The following HEXB variants were observed in gnomAD, a reference collection of about 807,000 sequenced individuals.
HEXB encodes the protein hexosaminidase subunit beta.
Under a neutral mutation model 71.2 loss-of-function variants are expected in HEXB, and 51 were observed. The ratio of observed to expected loss-of-function variants is 0.72; its 90% CI spans 0.57 to 0.90. The LOEUF (loss-of-function observed/expected upper bound fraction) is 0.90, where lower values mean the gene tolerates loss of function less well. HEXB is among the 40% of genes least tolerant of loss of function. The probability of loss-of-function intolerance (pLI) is 0.00; values close to 1 mark genes in which losing one functional copy is unlikely to be tolerated. For synonymous variants in HEXB, 266 were observed against 249.3 expected, an observed-to-expected ratio of 1.07 and a Z score of -0.63; for missense variants, 617 against 677.0, an observed-to-expected ratio of 0.91 and a Z score of 0.98.
In HEXB at chr5:74,685,390, C is replaced by T. The variant is rs750001501; in HGVS notation, c.130C>T (p.Arg44Trp). The T allele has an allele frequency of 8.7e-5, 138 of 1,592,274 alleles. No individual in the cohort carries two copies. Among genetic ancestry groups the T allele is most frequent in the Non-Finnish European group, 1.1e-4 (127 of 1,171,676 alleles). ...ALVVQVAEAARAPSVSAKPGP... is the reference protein window; with the variant it reads ...ALVVQVAEAAWAPSVSAKPGP... ...GGTGGTGCAGGTGGCGGAGGCGGCT[C>T]GGGCCCCGAGCGTCTCGGCCAAGCC... The change falls in exon 1 of 14, where the codon CGG (arginine) becomes TGG (tryptophan). Residue 44 changes from arginine (R) to tryptophan (W), a missense_variant. Transcript: ENST00000261416.
chr5:74,710,858 C>T (rs916323249), intron 6 of HEXB, among the ~76,000 whole-genome samples: 2 of 152,044 alleles, frequency 1.3e-5, no homozygotes, highest in African/African-American at 4.8e-5. Flanking sequence ...GGCCATACTG[C>T]CCAAGGTAAT....
At position 74,652,178 on chromosome 5, in the gene HEXB, T is replaced by C. The variant is rs931240625; in HGVS notation, c.-377+11620T>C. Among the ~76,000 whole-genome samples, 2 of 152,234 alleles carry C rather than the reference T, an allele frequency of 1.3e-5. No individual in the cohort carries two copies. Among genetic ancestry groups the C allele is most frequent in the African/African-American group, 4.8e-5 (2 of 41,452 alleles). ...AACCATAAATAATAATTAATGTCCA[T>C]TTAGAGTCACAGTGGTTTACCTCTC... is the stretch of plus-strand genomic sequence containing the variant. On this transcript the variant is annotated intron_variant, in intron 1 of 13. Transcript: ENST00000511181. The surrounding 1 kb of genome is among the most constrained non-coding windows in gnomAD (Gnocchi z 5.4).
chr5:74,711,044 G>T (rs1411769534), intron 6 of HEXB, among the ~76,000 whole-genome samples: 1 of 149,570 alleles, frequency 6.7e-6, no homozygotes, highest in Admixed American at 6.7e-5. Flanking sequence ...ATACTACAAG[G>T]CTACAGTAAC....
At chr5:74,678,882 A>G (rs1748684384) in intron 1 of HEXB, among the ~76,000 whole-genome samples, 1 of 152,230 alleles carries the variant, frequency 6.6e-6, no homozygotes, top group South Asian at 2.1e-4. Context: ...AGGGCAAAAA[A>G]GGTTCTTAGT....
intron 1 of HEXB, among the ~76,000 whole-genome samples, chr5:74,648,472 C>A (rs994810573): frequency 1.3e-5 from 2 of 152,214 alleles, no homozygotes. Flanking sequence ...TTCTCCAGCA[C>A]AATCTGCAGA....
chr5:74,685,227 C>A (rs749861514), upstream of HEXB: 2 of 1,479,772 alleles, frequency 1.4e-6, no homozygotes, highest in Non-Finnish European at 1.8e-6. Flanking sequence ...GAGGCTCCGG[C>A]TCGGCAGACC....
At chr5:74,685,123 C>T (rs1393354366), upstream of HEXB, 21 of 896,958 alleles carry the variant, frequency 2.3e-5, no homozygotes, top group Non-Finnish European at 3.2e-5. Flanking sequence ...GGCCTGGAGG[C>T]GGAGTCGGGG....
At chr5:74,712,378 T>C (rs1282919101) in intron 6 of HEXB, among the ~76,000 whole-genome samples, 2 of 151,242 alleles carry the variant, frequency 1.3e-5, no homozygotes, top group Non-Finnish European at 2.9e-5. Flanking sequence ...CATGTATACA[T>C]ACGTAACTAA....
intron 1 of HEXB, among the ~76,000 whole-genome samples, chr5:74,661,077 C>T (rs1269973561): frequency 6.6e-6 from 1 of 152,152 alleles, no homozygotes; most frequent in Non-Finnish European, 1.5e-5. Context: ...CCAGACAGCA[C>T]CAGCTGGAGC....
chr5:74,679,989 C>T (rs1209275596), intron 1 of HEXB, among the ~76,000 whole-genome samples: 2 of 152,058 alleles, frequency 1.3e-5, no homozygotes, highest in South Asian at 2.1e-4. Flanking sequence ...AATATTTTAA[C>T]AGTATGACTG....
intron 1 of HEXB, among the ~76,000 whole-genome samples, chr5:74,655,068 A>T (rs1431654178): frequency 6.6e-6 from 1 of 152,090 alleles, no homozygotes; most frequent in South Asian, 2.1e-4. Flanking sequence ...GAGCCCCCCA[A>T]GAGAGGCTCC....
intron 5 of HEXB, among the ~76,000 whole-genome samples, chr5:74,699,553 A>T (rs1489381827): frequency 1.3e-5 from 2 of 151,886 alleles, no homozygotes; most frequent in African/African-American, 4.8e-5. Context: ...GGGATTACAG[A>T]TGTGAGCCAC....
chr5:74,678,617 T>TG (rs1216849547), intron 1 of HEXB, among the ~76,000 whole-genome samples: 2 of 152,028 alleles, frequency 1.3e-5, no homozygotes, highest in African/African-American at 4.8e-5. Flanking sequence ...ATAAAAGCCT[T>TG]GGGGAAAAAA....
At chr5:74,695,107 A>G (rs950621263) in intron 3 of HEXB, among the ~76,000 whole-genome samples, 9 of 152,072 alleles carry the variant, frequency 5.9e-5, no homozygotes, top group Non-Finnish European at 7.4e-5. Flanking sequence ...TATTTACTAC[A>G]AATGTAATTT....
chr5:74,682,063 A>G (rs1748747567), upstream of HEXB, among the ~76,000 whole-genome samples: 1 of 152,248 alleles, frequency 6.6e-6, no homozygotes, highest in Non-Finnish European at 1.5e-5. Context: ...TTAACTTAGA[A>G]GTAGATCCTC....
chr5:74,720,266 C>T lies in HEXB; in HGVS notation c.1418-162C>T, dbSNP rs542889581. On this transcript the variant is annotated intron_variant, in intron 11 of 13. Transcript: ENST00000261416. ...TGGGGGGTGGGGGAAGAGGAGGGGC[C>T]ATCTTTTTTGTGCCACAACCATTAG... is the stretch of plus-strand genomic sequence containing the variant. 5 of 661,658 alleles carry T rather than the reference C, an allele frequency of 7.6e-6. No homozygotes were observed. The African/African-American group carries it at 9.0e-5, about 12-fold the overall frequency. 41.0% of individuals were successfully genotyped at this position (661,658 alleles called of 1,614,324 possible). A position where few individuals can be genotyped will look rare whatever the true frequency, so the allele number is the denominator to read the frequency against.
chr5:74,651,117 C>G (rs1297446669), intron 1 of HEXB, among the ~76,000 whole-genome samples: 1 of 152,076 alleles, frequency 6.6e-6, no homozygotes, highest in Non-Finnish European at 1.5e-5. Flanking sequence ...TGCTTTTATG[C>G]TTTGTGATGC....
chr5:74,715,088 T>C (rs1749639035), intron 7 of HEXB, among the ~76,000 whole-genome samples: 1 of 152,208 alleles, frequency 6.6e-6, no homozygotes, highest in Non-Finnish European at 1.5e-5. Flanking sequence ...AGGATGACGA[T>C]GGTACCCTTA....
At chr5:74,717,363 T>C (rs1449026726) in intron 9 of HEXB, among the ~76,000 whole-genome samples, 1 of 152,038 alleles carries the variant, frequency 6.6e-6, no homozygotes, top group African/African-American at 2.4e-5. Flanking sequence ...TGTCTGTCCA[T>C]ATGTAAATTA....
Sources: allele counts gnomAD v4.1 joint callset (sites outside exome capture counted in the v4.1 genomes callset), GRCh38; gene constraint gnomAD v4.1.1; non-coding constraint Gnocchi (gnomAD v3.1); transcripts MANE v1.5; gene names NCBI Gene and HGNC (gene_info 2026-07-23, HGNC 2026-07-21).